Variants in KLC4 observed in about 807,000 individuals in gnomAD.
KLC4 encodes the protein kinesin-like protein 8.
In KLC4, 49 loss-of-function variants were observed where a neutral mutation model predicts 77.2. The observed-to-expected ratio is 0.63, with a 90% CI of 0.50 to 0.80. KLC4 has a LOEUF of 0.80. Among genes scored for constraint, KLC4 ranks in the 30% least tolerant of loss-of-function variants. The probability of loss-of-function intolerance (pLI) is 0.00; values close to 1 mark genes in which losing one functional copy is unlikely to be tolerated. For synonymous variants in KLC4, 274 were observed against 314.5 expected, an observed-to-expected ratio of 0.87 and a Z score of 1.36; for missense variants, 669 against 793.5, an observed-to-expected ratio of 0.84 and a Z score of 1.89.
At chr6:43,074,233 A>G (rs1765866114) in intron 15 of KLC4, 1 of 459,760 alleles carries the variant, frequency 2.2e-6, no homozygotes, top group African/African-American at 2.0e-5. Flanking sequence ...AATTATGAAT[A>G]ATTTAAGAAT....
At position 43,071,923 on chromosome 6, in the gene KLC4, G is replaced by A; in HGVS notation, c.1379+1G>A. On this transcript the variant is annotated splice_donor_variant, in intron 11 of 15. Coordinates refer to ENST00000347162, the MANE Select transcript of KLC4 (RefSeq NM_201521.3). LOFTEE classifies it high-confidence loss of function. ...GGTACAAGGCCTGCAAAGTGAGCAG[G>A]TGAGCTGACAGTGAAAAGCCAGCTT... 6.2e-7 allele frequency: 1 copy of A among 1,608,672 alleles called. No individual in the cohort carries two copies. The highest frequency in any genetic ancestry group is 1.3e-5 in the African/African-American group (1 of 75,020).
At chr6:43,071,714 C>A (rs1765740227) in intron 10 of KLC4, 95 bp downstream of exon 10, 2 of 1,466,600 alleles carry the variant, frequency 1.4e-6, no homozygotes, top group Middle Eastern at 4.1e-4. Flanking sequence ...CTTCCCATCC[C>A]AGCACCAGCC....
Position 43,067,030 on chromosome 6 carries a change from C to T in KLC4, c.826C>T (p.Leu276=), listed in dbSNP as rs1765468273. 12 of 1,613,876 alleles carry T rather than the reference C, an allele frequency of 7.4e-6. No individual in the cohort carries two copies. Among genetic ancestry groups the T allele is most frequent in the Admixed American group, 1.7e-5 (1 of 59,986 alleles). ...QNKYKEAAHL[L]NDALSIREST... ...TAAGTATAAGGAAGCTGCCCACCTG[C>T]TGAATGATGCCCTTAGCATCCGGGA... is the stretch of plus-strand genomic sequence containing the variant. Residue 276 remains leucine (L), a synonymous_variant, in exon 6 of 16, where the codon CTG becomes TTG. Transcript: ENST00000347162.
rs761732820 is a variant in KLC4 at position 43,070,483 on chromosome 6, CTT to C, written c.981+29_981+30del. The C allele has an allele frequency of 3.2e-5, 50 of 1,564,346 alleles. 2 individuals are homozygous for C. In the African/African-American group the frequency reaches 5.0e-4, roughly 16 times the overall value. On this transcript the variant is annotated intron_variant, in intron 7 of 15. Transcript: ENST00000347162. ...ACCCATGCCCTCTCTCCCTTCTTCT[CTT>C]GTCGCTGTGACCCTTCTCTACATGG...
chr6:43,063,259 C>A, intron 3 of KLC4, 112 bp downstream of exon 3: 1 of 753,614 alleles, frequency 1.3e-6, no homozygotes. Flanking sequence ...CCAACCTGCT[C>A]TCACCTGAAA....
At chr6:43,060,042 A>G (rs761816217) in intron 1 of KLC4, 260 of 1,492,514 alleles carry the variant, frequency 1.7e-4, no homozygotes, top group Non-Finnish European at 2.2e-4. Context: ...GCACTCCTCT[A>G]CTGCGTTTCC....
chr6:43,067,327 G>A, intron 6 of KLC4: 1 of 791,594 alleles, frequency 1.3e-6, no homozygotes, highest in Non-Finnish European at 1.8e-6. Context: ...ATAAGTCATA[G>A]GTAAATCCAC....
intron 3 of KLC4, among the ~76,000 whole-genome samples, chr6:43,064,289 G>T (rs1480393904): frequency 6.6e-6 from 1 of 152,216 alleles, no homozygotes; most frequent in Non-Finnish European, 1.5e-5. Flanking sequence ...GTCTCTGAGG[G>T]CTGGAATGGT....
rs1018608162 is a variant in KLC4 at position 43,074,718 on chromosome 6, G to A, written c.*46G>A. 6.6e-7 allele frequency: 1 copy of A among 1,504,958 alleles called. No homozygotes were observed. Among genetic ancestry groups the A allele is most frequent in the Middle Eastern group, 1.7e-4 (1 of 5,880 alleles). 93.2% of individuals were successfully genotyped at this position (1,504,958 alleles called of 1,614,324 possible). A position where few individuals can be genotyped will look rare whatever the true frequency, so the allele number is the denominator to read the frequency against. ...TCTGCTGGGTCCCCCCACCCCCACAGCCCTCACAGCATTCCCCATTGCTCC... is the reference window on the plus strand; with the variant it reads ...TCTGCTGGGTCCCCCCACCCCCACAACCCTCACAGCATTCCCCATTGCTCC... On this transcript the variant is annotated 3_prime_UTR_variant, in exon 16 of 16. Coordinates refer to ENST00000347162, the MANE Select transcript of KLC4 (RefSeq NM_201521.3).
At chr6:43,073,458 C>T (rs189307646) in intron 14 of KLC4, 120 bp downstream of exon 14, 315 of 631,216 alleles carry the variant, frequency 5.0e-4, no homozygotes, top group African/African-American at 3.8e-3. Flanking sequence ...TGAGACCAGC[C>T]TGGCCAACAA....
rs1294732934 is a variant in KLC4 at position 43,061,438 on chromosome 6, G to T, written c.103G>T (p.Ala35Ser). 4 of 1,614,204 alleles carry T rather than the reference G, an allele frequency of 2.5e-6. No homozygotes were observed. Among genetic ancestry groups the T allele is most frequent in the Non-Finnish European group, 3.4e-6 (4 of 1,180,042 alleles). Residue 35 changes from alanine to serine, a missense_variant, in exon 2 of 16, where the codon GCC becomes TCC. Physicochemically the swap from Ala to Ser is moderately conservative, Grantham distance 99. Transcript: ENST00000347162. The stretch of plus-strand genomic sequence containing the variant: ...ACGGCTGGTCAGCCAAGGGCTAGAG[G>T]CCCTACGCAGTGAACACCAGGCCGT... ...STRLVSQGLE[A>S]LRSEHQAVLQ...
chr6:43,074,435 A>C (rs1765878517), intron 15 of KLC4, 187 bp from the exon 16 acceptor site: 2 of 603,880 alleles, frequency 3.3e-6, no homozygotes, highest in Admixed American at 2.9e-5. Flanking sequence ...TCTCCACCAG[A>C]TTGTGGCCTT....
At position 43,071,603 on chromosome 6, in the gene KLC4, G is replaced by T. The variant is rs202069802; in HGVS notation, c.1292G>T (p.Arg431Leu). 3.7e-6 allele frequency: 6 copies of T among 1,613,524 alleles called. No homozygotes were observed. The South Asian group carries it at 5.5e-5, about 15-fold the overall frequency. The stretch of plus-strand genomic sequence containing the variant: ...CCCATCTGGATGCATGCAGAGGAGC[G>T]GGAGGAAATGAGCAAAGTGAGTGGG... ...HKPIWMHAEE[R>L]EEMSKSRHHE... The change falls in exon 10 of 16, where the codon CGG becomes CTG. Residue 431 changes from arginine to leucine, a missense_variant. By Grantham distance (102) the Arg-to-Leu change is moderately radical (BLOSUM62 -2). Transcript: ENST00000347162.
intron 6 of KLC4, among the ~76,000 whole-genome samples, chr6:43,067,840 C>T (rs1386722029): frequency 1.2e-5 from 1 of 84,046 alleles, no homozygotes; most frequent in African/African-American, 9.4e-5. Flanking sequence ...AGGCCGGGCG[C>T]GGTGGCTCAC....
At chr6:43,061,038 T>C (rs1269349031) in intron 1 of KLC4, 3 of 445,552 alleles carry the variant, frequency 6.7e-6, no homozygotes, top group Non-Finnish European at 1.2e-5. Context: ...TTTTCCTAAG[T>C]CCTAAATCCT....
chr6:43,060,028 C>A, intron 1 of KLC4: 1 of 1,463,136 alleles, frequency 6.8e-7, no homozygotes. Flanking sequence ...GTCGACAGCC[C>A]GAGGCACTCC....
intron 2 of KLC4, 131 bp downstream of exon 2, chr6:43,061,724 C>A (rs939775644): frequency 2.2e-6 from 2 of 923,322 alleles, no homozygotes; most frequent in Admixed American, 6.0e-5. Context: ...TGTATTAAGT[C>A]CCTACTGTGT....
In KLC4 at chr6:43,071,866, G is replaced by GACA; in HGVS notation, c.1323_1324insACA (p.Glu441_Gly442insThr). ...CTGTCCTGCAGAGCCGGCACCATGA[G>GACA]GGTGGGACACCCTATGCTGAGTATG... On this transcript the variant is annotated inframe_insertion, in exon 11 of 16. Transcript: ENST00000347162. 1.2e-6 allele frequency: 2 copies of GACA among 1,612,420 alleles called. No homozygotes were observed. Among genetic ancestry groups the GACA allele is most frequent in the South Asian group, 2.2e-5 (2 of 90,396 alleles).
intron 1 of KLC4, 181 bp downstream of exon 1, chr6:43,059,866 G>C: frequency 8.3e-7 from 1 of 1,205,342 alleles, no homozygotes; most frequent in Non-Finnish European, 1.0e-6. Flanking sequence ...CAGACGACCT[G>C]CCCCGCCCCC....
Sources: gnomAD v4.1 joint callset for allele counts (sites outside exome capture counted in the v4.1 genomes callset) on GRCh38, gnomAD v4.1.1 for gene constraint, MANE v1.5 for transcripts, NCBI Gene and HGNC (gene_info 2026-07-23, HGNC 2026-07-21) for gene names.